Variants in LRRC53 observed in about 807,000 individuals in gnomAD.
LRRC53 encodes the protein leucine rich repeat containing 53, also known as leucine-rich repeat-containing protein 53.
Under a neutral mutation model 13.6 loss-of-function variants are expected in LRRC53, and 25 were observed. That is an observed-to-expected ratio of 1.83 (90% CI 1.34 to 2.56). LRRC53 has a LOEUF of 2.56. LRRC53 is among the 30% of genes most tolerant of loss of function. The pLI, the probability that LRRC53 is intolerant of heterozygous loss-of-function variation, is 0.00. For synonymous variants in LRRC53, 204 were observed against 109.8 expected (o/e 1.86, Z -5.37); for missense variants, 527 against 275.8 (o/e 1.91, Z -6.45).
At chr1:74,504,510 C>T (rs533733522) in intron 1 of LRRC53, among the ~76,000 whole-genome samples, 2 of 152,038 alleles carry the variant, frequency 1.3e-5, no homozygotes, top group South Asian at 2.1e-4. Flanking sequence ...AACAGCCTTT[C>T]GCCATGAAAA....
At position 74,471,910 on chromosome 1, in the gene LRRC53, G is replaced by T; in HGVS notation, c.1712C>A (p.Ser571Tyr). ...ACAGGGCACATATTTACAGATAAGA[G>T]AATTGTTTGGCTGAAAATACCTAGG... Reference protein sequence around the residue: ...SKPRYFQPNNSLICKYVPCEQ... With the variant: ...SKPRYFQPNNYLICKYVPCEQ... Residue 571 changes from serine (S) to tyrosine (Y), a missense_variant, in exon 5 of 5, where the codon TCT becomes TAT. Coordinates refer to ENST00000294635, the MANE Select transcript of LRRC53 (RefSeq NM_001382280.1). The T allele has an allele frequency of 2.0e-6, 1 of 499,532 alleles. No individual in the cohort carries two copies. The highest frequency in any genetic ancestry group is 3.6e-6 in the Non-Finnish European group (1 of 281,644). 30.9% of individuals were successfully genotyped at this position (499,532 alleles called of 1,614,324 possible).
the LRRC53 span, among the ~76,000 whole-genome samples, chr1:74,523,441 C>CT: frequency 0.41 from 62,006 of 151,260 alleles, 15,070 homozygotes; most frequent in Non-Finnish European, 0.56. Flanking sequence ...TAAGATTTTT[C>CT]TTTTTTTTAA....
At position 74,480,203 on chromosome 1, in the gene LRRC53, G is replaced by C. The variant is rs1299067611; in HGVS notation, c.854C>G (p.Pro285Arg). ...NFTLVLKDRS[P>R]LLPGPDVALL... Reference sequence around the variant, plus strand: ...GGCCACATCTGGTCCTGGGAGGAGGGGACTTCTGTCCTTTAGAACCAGAGT... The same window carrying C: ...GGCCACATCTGGTCCTGGGAGGAGGCGACTTCTGTCCTTTAGAACCAGAGT... Residue 285 changes from proline (P) to arginine (R), a missense_variant, in exon 3 of 5, where the codon CCC becomes CGC. Physicochemically the swap from Pro to Arg is moderately radical, Grantham distance 103. Coordinates refer to ENST00000294635, the MANE Select transcript of LRRC53 (RefSeq NM_001382280.1). The C allele has an allele frequency of 1.4e-6, 1 of 717,364 alleles. No homozygotes were observed. The highest frequency in any genetic ancestry group is 2.6e-6 in the Non-Finnish European group (1 of 385,090). The allele number at this position is 717,364 out of a possible 1,614,324, so 44.4% of individuals were successfully genotyped here. A position where few individuals can be genotyped will look rare whatever the true frequency, so the allele number is the denominator to read the frequency against.
chr1:74,525,677 A>C, the LRRC53 span, among the ~76,000 whole-genome samples: 1 of 152,230 alleles, frequency 6.6e-6, no homozygotes, highest in African/African-American at 2.4e-5. Context: ...AAGCTTAATA[A>C]ATAACCAATA....
At position 74,483,140 on chromosome 1, in the gene LRRC53, T is replaced by C. The variant is rs1668586140; in HGVS notation, c.88+122A>G. Reference sequence around the variant, plus strand: ...CAGTCTCTTTAGTCATTGTATGAAGTGTACTCATTAAAGGGTTACCTCTTA... The same window carrying C: ...CAGTCTCTTTAGTCATTGTATGAAGCGTACTCATTAAAGGGTTACCTCTTA... On this transcript the variant is annotated intron_variant, in intron 2 of 4. Coordinates refer to ENST00000294635, the MANE Select transcript of LRRC53 (RefSeq NM_001382280.1). The C allele has an allele frequency of 8.8e-6, 5 of 567,582 alleles. No individual in the cohort carries two copies. The East Asian group carries it at 1.5e-4, about 17-fold the overall frequency. The allele number at this position is 567,582 out of a possible 1,614,324, so 35.2% of individuals were successfully genotyped here.
chr1:74,478,756 C>T (rs17095412), intron 3 of LRRC53, among the ~76,000 whole-genome samples: 1,741 of 152,264 alleles, frequency 0.011, 32 homozygotes, highest in African/African-American at 0.04. Flanking sequence ...ATGCGTGCAT[C>T]TGTGTGTTTT....
intron 1 of LRRC53, among the ~76,000 whole-genome samples, chr1:74,503,531 A>G (rs927366384): frequency 6.6e-6 from 1 of 152,172 alleles, no homozygotes; most frequent in African/African-American, 2.4e-5. Context: ...TGGATCTTGT[A>G]TGTATAATGA....
chr1:74,525,404 G>A, the LRRC53 span, among the ~76,000 whole-genome samples: 32 of 152,254 alleles, frequency 2.1e-4, no homozygotes, highest in African/African-American at 7.7e-4. Flanking sequence ...CTTAAGGACA[G>A]CAGCTAGGAA....
chr1:74,470,474 G>A lies in LRRC53; in HGVS notation c.3148C>T (p.His1050Tyr), dbSNP rs1667871511. The change falls in exon 5 of 5, where the codon CAC becomes TAC. Residue 1050 changes from histidine (H) to tyrosine (Y), a missense_variant. By Grantham distance (83) the His-to-Tyr change is moderately conservative. Transcript: ENST00000294635. ...TSPVSSQAVW[H>Y]LTNSSEKGID... ...CCTTTTTCGCTACTATTGGTTAGGT[G>A]CCAAACGGCTTGACTACTAACAGGA... The A allele has an allele frequency of 2.5e-6, 1 of 400,626 alleles. No homozygotes were observed. Among genetic ancestry groups the A allele is most frequent in the Non-Finnish European group, 4.4e-6 (1 of 226,174 alleles). The allele number at this position is 400,626 out of a possible 1,614,324, so 24.8% of individuals were successfully genotyped here.
At chr1:74,472,944 T>C (rs1477176422) in intron 4 of LRRC53, among the ~76,000 whole-genome samples, 1 of 152,024 alleles carries the variant, frequency 6.6e-6, no homozygotes, top group Non-Finnish European at 1.5e-5. Flanking sequence ...TAAAGGAAAA[T>C]AGTACATGAT....
At chr1:74,487,406 G>A (rs1668821131) in intron 1 of LRRC53, among the ~76,000 whole-genome samples, 1 of 152,176 alleles carries the variant, frequency 6.6e-6, no homozygotes, top group South Asian at 2.1e-4. Context: ...AAGTGTGAGA[G>A]AGTGAATGGA....
At chr1:74,503,587 T>A (rs958423777) in intron 1 of LRRC53, among the ~76,000 whole-genome samples, 1 of 152,200 alleles carries the variant, frequency 6.6e-6, no homozygotes, top group African/African-American at 2.4e-5. Flanking sequence ...AAGACCATTT[T>A]TTTTTAGGAT....
At chr1:74,491,156 G>C (rs963953654) in intron 1 of LRRC53, among the ~76,000 whole-genome samples, 4 of 152,172 alleles carry the variant, frequency 2.6e-5, no homozygotes, top group African/African-American at 9.7e-5. Context: ...CATGAAAACC[G>C]GTTGAAGGAG....
chr1:74,536,951 A>C, the LRRC53 span, among the ~76,000 whole-genome samples: 2 of 152,172 alleles, frequency 1.3e-5, no homozygotes, highest in African/African-American at 4.8e-5. Flanking sequence ...CTGGATGCAC[A>C]TGGGTGGAAA....
At chr1:74,532,211 A>G in the LRRC53 span, among the ~76,000 whole-genome samples, 1 of 152,220 alleles carries the variant, frequency 6.6e-6, no homozygotes, top group Non-Finnish European at 1.5e-5. Context: ...ATGTTTTAGC[A>G]TCATAGCAAG....
the LRRC53 span, among the ~76,000 whole-genome samples, chr1:74,528,138 G>A: frequency 2.6e-5 from 4 of 152,156 alleles, no homozygotes. Context: ...TGGTAAGCAG[G>A]ACATCCTACA....
At chr1:74,509,747 CTTTTTTTTTTT>C (rs68193106) in intron 1 of LRRC53, among the ~76,000 whole-genome samples, 4 of 47,784 alleles carry the variant, frequency 8.4e-5, no homozygotes, top group East Asian at 1.7e-3. Context: ...ATCTGAATTT[CTTTTTTTTTTT>C]TTTTTTTTTT....
chr1:74,480,521 G>T lies in LRRC53; in HGVS notation c.536C>A (p.Pro179His), dbSNP rs1668434947. The T allele has an allele frequency of 2.8e-6, 2 of 717,344 alleles. No individual in the cohort carries two copies. Among genetic ancestry groups the T allele is most frequent in the Admixed American group, 2.0e-5 (1 of 50,006 alleles). 44.4% of individuals were successfully genotyped at this position (717,344 alleles called of 1,614,324 possible). Reference sequence around the variant, plus strand: ...GTCCACTTCCTGTAGTTGAGGCAGGGGCCGGAAGGCATCTTTCCCAATGTA... The same window carrying T: ...GTCCACTTCCTGTAGTTGAGGCAGGTGCCGGAAGGCATCTTTCCCAATGTA... Reference protein sequence around the residue: ...ISYIGKDAFRPLPQLQEVDLS... With the variant: ...ISYIGKDAFRHLPQLQEVDLS... Residue 179 changes from proline to histidine, a missense_variant, in exon 3 of 5, where the codon CCC becomes CAC. By Grantham distance (77) the Pro-to-His change is moderately conservative. Transcript: ENST00000294635.
intron 1 of LRRC53, among the ~76,000 whole-genome samples, chr1:74,492,724 TA>T (rs1669141453): frequency 6.6e-6 from 1 of 152,200 alleles, no homozygotes; most frequent in African/African-American, 2.4e-5. Context: ...TTCAAATGTT[TA>T]TAGAGCAATA....
Sources: gnomAD v4.1 joint callset for allele counts (sites outside exome capture counted in the v4.1 genomes callset) on GRCh38, gnomAD v4.1.1 for gene constraint, MANE v1.5 for transcripts, NCBI Gene and HGNC (gene_info 2026-07-23, HGNC 2026-07-21) for gene names.